The following SLC26A8 variants were observed in gnomAD, a reference collection of about 807,000 sequenced individuals.
The protein encoded by SLC26A8 is testis anion transporter 1.
A neutral mutation model predicts 105.0 loss-of-function variants in SLC26A8; 70 were observed. That is an observed-to-expected ratio of 0.67 (90% CI 0.55 to 0.81). The LOEUF is 0.81. Among genes scored for constraint, SLC26A8 ranks in the 40% least tolerant of loss-of-function variants. SLC26A8 has a pLI of 0.00. For synonymous variants in SLC26A8, 415 were observed against 438.3 expected, an observed-to-expected ratio of 0.95 and a Z score of 0.66; for missense variants, 998 against 1,181.8, an observed-to-expected ratio of 0.84 and a Z score of 2.28.
At chr6:35,978,433 T>A (rs1342943589) in intron 8 of SLC26A8, among the ~76,000 whole-genome samples, 1 of 152,178 alleles carries the variant, frequency 6.6e-6, no homozygotes, top group East Asian at 1.9e-4. Context: ...GCTTCCTTTT[T>A]TATTTCTCTA....
chr6:36,000,330 A>G (rs1328048730), intron 3 of SLC26A8, among the ~76,000 whole-genome samples: 1 of 152,140 alleles, frequency 6.6e-6, no homozygotes, highest in African/African-American at 2.4e-5. Flanking sequence ...CTTTAATTCA[A>G]TATCATAGGC....
chr6:35,982,258 C>T, intron 7 of SLC26A8, 55 bp from the exon 8 acceptor site: 1 of 1,560,422 alleles, frequency 6.4e-7, no homozygotes, highest in South Asian at 1.1e-5. Context: ...AAATATAGTG[C>T]ATCGCTTCTA....
At chr6:35,948,424 A>G (rs1262253494) in intron 19 of SLC26A8, among the ~76,000 whole-genome samples, 1 of 152,156 alleles carries the variant, frequency 6.6e-6, no homozygotes, top group Non-Finnish European at 1.5e-5. Context: ...CCTCGTCTCA[A>G]ATAAAAATAC....
chr6:35,997,888 G>C lies in SLC26A8; in HGVS notation c.477C>G (p.Ile159Met). 6.2e-7 allele frequency: 1 copy of C among 1,614,104 alleles called. No homozygotes were observed. Residue 159 changes from isoleucine to methionine, a missense_variant, in exon 5 of 20, where the codon ATC becomes ATG. Coordinates refer to ENST00000490799, the MANE Select transcript of SLC26A8 (RefSeq NM_052961.4). The part of the protein sequence containing the change: ...GSFFLVSALL[I>M]NVLKVSPFNN... ...TGAATGGGCTCACTTTCAGAACGTT[G>C]ATCAGCAGAGCACTCACCAGGAAGA...
intron 8 of SLC26A8, among the ~76,000 whole-genome samples, chr6:35,980,337 T>C (rs1402310140): frequency 2.6e-5 from 4 of 152,216 alleles, no homozygotes; most frequent in Non-Finnish European, 5.9e-5. Flanking sequence ...AGAGTGGTTA[T>C]AATTATAGAC....
chr6:35,976,112 C>G lies in SLC26A8; in HGVS notation c.1174-624G>C, dbSNP rs61681870. Among the ~76,000 whole-genome samples the G allele has an allele frequency of 6.5e-3, 992 of 151,984 alleles. 13 individuals carry two copies. Among genetic ancestry groups the G allele is most frequent in the African/African-American group, 0.022 (929 of 41,472 alleles). Reference sequence around the variant, plus strand: ...AGGGAGAAGCACAATGCTATTCTCCCTGCCTTATGTGCTACCCTAAAGGTC... The same window carrying G: ...AGGGAGAAGCACAATGCTATTCTCCGTGCCTTATGTGCTACCCTAAAGGTC... On this transcript the variant is annotated intron_variant, in intron 9 of 19. Coordinates refer to ENST00000490799, the MANE Select transcript of SLC26A8 (RefSeq NM_052961.4).
Position 35,968,916 on chromosome 6 carries a change from C to G in SLC26A8, c.1326G>C (p.Leu442=). ...SLVGAGVMLL[L]MVKMGHFFYT... is the part of the protein sequence containing the mutation. ...AGAAAAAGTGTCCCATCTTCACCAT[C>G]AGGAGCAGCATCACACCTGCGCCTA... Residue 442 remains leucine (L), a synonymous_variant, in exon 11 of 20, where the codon CTG becomes CTC. Coordinates refer to ENST00000490799, the MANE Select transcript of SLC26A8 (RefSeq NM_052961.4). 2 of 1,611,852 alleles carry G rather than the reference C, an allele frequency of 1.2e-6. No homozygotes were observed. Among genetic ancestry groups the G allele is most frequent in the African/African-American group, 1.3e-5 (1 of 74,584 alleles).
intron 5 of SLC26A8, among the ~76,000 whole-genome samples, chr6:35,995,375 G>A (rs1025465073): frequency 1.3e-5 from 2 of 152,224 alleles, no homozygotes; most frequent in African/African-American, 4.8e-5. Context: ...AATGTTGAAT[G>A]AATGAAAGGG....
chr6:36,017,210 GAGAAA>G lies in SLC26A8; in HGVS notation c.188+2305_188+2309del, dbSNP rs1554168863. On this transcript the variant is annotated intron_variant, in intron 2 of 19. Coordinates refer to ENST00000490799, the MANE Select transcript of SLC26A8 (RefSeq NM_052961.4). Reference sequence around the variant, plus strand: ...GGAAAGAAGAATGGAAGGAAGGAAGGAGAAAAGAAAAGAAAAGAAAAGATGCATGA... The same window carrying G: ...GGAAAGAAGAATGGAAGGAAGGAAGGAGAAAAGAAAAGAAAAGATGCATGA... 6.8e-3 allele frequency among the ~76,000 whole-genome samples: 195 copies of G among 28,812 alleles called. 5 individuals are homozygous for G. Among genetic ancestry groups the G allele is most frequent in the Admixed American group, 0.063 (183 of 2,886 alleles). The allele number at this position is 28,812 out of a possible 152,430, so 18.9% of individuals were successfully genotyped here. A position where few individuals can be genotyped will look rare whatever the true frequency, so the allele number is the denominator to read the frequency against.
At chr6:35,994,497 C>G (rs944200825) in intron 5 of SLC26A8, among the ~76,000 whole-genome samples, 1 of 151,952 alleles carries the variant, frequency 6.6e-6, no homozygotes, top group Non-Finnish European at 1.5e-5. Flanking sequence ...CTATTTCTTG[C>G]GTGACTGGCT....
intron 7 of SLC26A8, chr6:35,989,922 CTTTTCTTTT>C (rs1562051155): frequency 3.2e-4 from 12 of 37,760 alleles, no homozygotes; most frequent in African/African-American, 8.1e-4. Flanking sequence ...TGTTTGTTTT[CTTTTCTTTT>C]TTTTTTTTTT....
At chr6:35,997,495 A>G (rs1761388397) in intron 5 of SLC26A8, among the ~76,000 whole-genome samples, 1 of 152,200 alleles carries the variant, frequency 6.6e-6, no homozygotes, top group Non-Finnish European at 1.5e-5. Context: ...TTTGTCTTAG[A>G]GGTGAAAGGA....
intron 7 of SLC26A8, among the ~76,000 whole-genome samples, chr6:35,989,004 C>T (rs1194383945): frequency 3.3e-5 from 5 of 151,896 alleles, no homozygotes; most frequent in African/African-American, 9.7e-5. Flanking sequence ...CCTCGCCCGG[C>T]TAAGTTTTTG....
intron 5 of SLC26A8, 98 bp downstream of exon 5, chr6:35,997,640 G>A: frequency 8.4e-7 from 1 of 1,189,314 alleles, no homozygotes. Context: ...GAAGTTCCAG[G>A]TATATCACAG....
At chr6:35,984,325 T>TTA (rs1298235699) in intron 7 of SLC26A8, among the ~76,000 whole-genome samples, 6 of 140,312 alleles carry the variant, frequency 4.3e-5, no homozygotes, top group African/African-American at 1.4e-4. Context: ...TCTTATTTTT[T>TTA]TTTTTTTTTT....
intron 7 of SLC26A8, among the ~76,000 whole-genome samples, chr6:35,990,876 G>A (rs1422451893): frequency 6.6e-6 from 1 of 151,968 alleles, no homozygotes; most frequent in East Asian, 1.9e-4. Flanking sequence ...AACTTAGAAT[G>A]AGCCCGTATT....
At chr6:36,018,043 G>A (rs1762039732) in intron 2 of SLC26A8, among the ~76,000 whole-genome samples, 1 of 152,202 alleles carries the variant, frequency 6.6e-6, no homozygotes, top group South Asian at 2.1e-4. Flanking sequence ...AACAAATGTT[G>A]GAGAGCACAT....
At chr6:36,000,630 T>C (rs1413367094) in intron 3 of SLC26A8, among the ~76,000 whole-genome samples, 1 of 152,224 alleles carries the variant, frequency 6.6e-6, no homozygotes, top group Non-Finnish European at 1.5e-5. Context: ...AGAAGCACCA[T>C]GAGAATTTGG....
At chr6:35,982,019 G>T in intron 8 of SLC26A8, 102 bp downstream of exon 8, 1 of 1,234,722 alleles carries the variant, frequency 8.1e-7, no homozygotes, top group Non-Finnish European at 1.2e-6. Context: ...TTTTGCTTTG[G>T]CCAGAGACTG....
Sources: allele counts gnomAD v4.1 joint callset (sites outside exome capture counted in the v4.1 genomes callset), GRCh38; gene constraint gnomAD v4.1.1; transcripts MANE v1.5; gene names NCBI Gene and HGNC (gene_info 2026-07-23, HGNC 2026-07-21).